CFAP299: variants seen among roughly 807,000 people sequenced by gnomAD.
CFAP299 encodes the protein cilia and flagella associated protein 299, also known as cilia- and flagella-associated protein 299.
CFAP299 carries 21 observed loss-of-function variants against 27.0 expected under a neutral mutation model. The ratio of observed to expected loss-of-function variants is 0.78; its 90% CI spans 0.55 to 1.12. The LOEUF is 1.12. Among genes scored for constraint, CFAP299 ranks in the 50% most tolerant of loss-of-function variants. CFAP299 has a pLI of 0.00. For missense variants in CFAP299, 310 were observed against 276.6 expected (o/e 1.12, Z -0.86); for synonymous variants, 104 against 98.1 (o/e 1.06, Z -0.36).
chr4:80,463,881 G>A (rs973520350), intron 2 of CFAP299, among the ~76,000 whole-genome samples: 1 of 152,132 alleles, frequency 6.6e-6, no homozygotes, highest in African/African-American at 2.4e-5. Context: ...ATTACTCCAT[G>A]TATAACTTCA....
In CFAP299 at chr4:80,541,972, TA is replaced by T. The variant is rs35634141; in HGVS notation, c.243-41110del. ...ATGCTAAAACTTAAAGTATAATAAT[TA>T]AAAAAAAAAAGGTATCAAGGACAGA... On this transcript the variant is annotated intron_variant, in intron 2 of 5. Transcript: ENST00000358105. Among the ~76,000 whole-genome samples, 966 of 145,010 alleles carry T rather than the reference TA, an allele frequency of 6.7e-3. 6 individuals carry two copies. The highest frequency in any genetic ancestry group is 0.028 in the East Asian group (143 of 5,048).
intron 4 of CFAP299, among the ~76,000 whole-genome samples, chr4:80,930,494 G>A (rs1461769783): frequency 6.6e-6 from 1 of 152,136 alleles, no homozygotes; most frequent in Non-Finnish European, 1.5e-5. Context: ...GAGCGGTCTT[G>A]AGGACTGAAC....
chr4:80,659,852 A>G (rs1412194379), intron 3 of CFAP299, among the ~76,000 whole-genome samples: 4 of 152,136 alleles, frequency 2.6e-5, no homozygotes, highest in Non-Finnish European at 5.9e-5. Context: ...GTTTTTCTGT[A>G]TAGAAGAATT....
intron 3 of CFAP299, among the ~76,000 whole-genome samples, chr4:80,692,276 A>G (rs1236763319): frequency 6.6e-6 from 1 of 152,128 alleles, no homozygotes; most frequent in African/African-American, 2.4e-5. Context: ...GAGGCATCAC[A>G]CTACCTGACT....
chr4:80,635,741 G>A (rs1194801603), intron 3 of CFAP299, among the ~76,000 whole-genome samples: 1 of 152,142 alleles, frequency 6.6e-6, no homozygotes, highest in African/African-American at 2.4e-5. Context: ...TGTTACACCA[G>A]GAATTTGGTA....
At chr4:80,861,778 A>G (rs1578193622) in intron 3 of CFAP299, among the ~76,000 whole-genome samples, 1 of 152,188 alleles carries the variant, frequency 6.6e-6, no homozygotes, top group Non-Finnish European at 1.5e-5. Context: ...ATGCAAGTAA[A>G]GATTGCCTGC....
chr4:80,364,252 T>C (rs1480415120), intron 2 of CFAP299, among the ~76,000 whole-genome samples: 3 of 152,178 alleles, frequency 2.0e-5, no homozygotes, highest in Non-Finnish European at 1.5e-5. Flanking sequence ...ACTGCCTCCA[T>C]GTTCAGTTTG....
chr4:80,625,240 G>A (rs1293354934), intron 3 of CFAP299, among the ~76,000 whole-genome samples: 1 of 151,912 alleles, frequency 6.6e-6, no homozygotes, highest in Admixed American at 6.6e-5. Context: ...TCAAAATGTG[G>A]TTTGGGGAGT....
intron 2 of CFAP299, among the ~76,000 whole-genome samples, chr4:80,462,725 G>A (rs1314284634): frequency 6.6e-6 from 1 of 152,066 alleles, no homozygotes; most frequent in East Asian, 1.9e-4. Flanking sequence ...ACCAAACCAC[G>A]TGATCCAGAG....
intron 3 of CFAP299, among the ~76,000 whole-genome samples, chr4:80,854,422 A>C (rs995367926): frequency 6.6e-6 from 1 of 152,056 alleles, no homozygotes; most frequent in African/African-American, 2.4e-5. Flanking sequence ...AGAATGTTTA[A>C]ATGTTAATAG....
At chr4:80,730,509 T>C (rs959583162) in intron 3 of CFAP299, among the ~76,000 whole-genome samples, 3 of 150,630 alleles carry the variant, frequency 2.0e-5, no homozygotes, top group African/African-American at 7.3e-5. Context: ...CTGGGCACAG[T>C]GGCTACCAGC....
intron 3 of CFAP299, among the ~76,000 whole-genome samples, chr4:80,773,451 G>C (rs1726339429): frequency 6.6e-6 from 1 of 152,194 alleles, no homozygotes. Flanking sequence ...GGTTGACATA[G>C]TAACTAAAAC....
At chr4:80,900,123 A>AGTT (rs1553904501) in intron 4 of CFAP299, among the ~76,000 whole-genome samples, 2 of 139,794 alleles carry the variant, frequency 1.4e-5, no homozygotes, top group African/African-American at 2.7e-5. Flanking sequence ...AGTGGAAGAA[A>AGTT]GTGTGTGTGT....
At chr4:80,545,786 CAATG>C (rs1415595593) in intron 2 of CFAP299, among the ~76,000 whole-genome samples, 1 of 152,058 alleles carries the variant, frequency 6.6e-6, no homozygotes, top group African/African-American at 2.4e-5. Context: ...GACAGAGACA[CAATG>C]AAAAAGAGAA....
chr4:80,417,502 C>T (rs969831679), intron 2 of CFAP299, among the ~76,000 whole-genome samples: 2 of 152,072 alleles, frequency 1.3e-5, no homozygotes, highest in Non-Finnish European at 2.9e-5. Context: ...AAATAGGAGT[C>T]CTGAGCGTGG....
intron 2 of CFAP299, among the ~76,000 whole-genome samples, chr4:80,457,417 T>A (rs1471474524): frequency 6.6e-6 from 1 of 152,194 alleles, no homozygotes. Flanking sequence ...CCACAGATTC[T>A]GTGCTTTGGA....
At chr4:80,468,483 C>T (rs910125307) in intron 2 of CFAP299, among the ~76,000 whole-genome samples, 4 of 151,928 alleles carry the variant, frequency 2.6e-5, no homozygotes, top group East Asian at 1.9e-4. Flanking sequence ...CTTGTTCTCC[C>T]GAAGTGCTGG....
intron 2 of CFAP299, among the ~76,000 whole-genome samples, chr4:80,557,600 A>T (rs992450729): frequency 2.0e-5 from 3 of 152,112 alleles, no homozygotes; most frequent in Non-Finnish European, 4.4e-5. Flanking sequence ...TCTGATTGCT[A>T]GTATTCTAGT....
At chr4:80,708,112 C>T (rs1184501883) in intron 3 of CFAP299, among the ~76,000 whole-genome samples, 2 of 151,948 alleles carry the variant, frequency 1.3e-5, no homozygotes, top group Non-Finnish European at 2.9e-5. Context: ...CAGGCTGCAT[C>T]GGTTCAACAG....
Sources: gnomAD v4.1 joint callset for allele counts (sites outside exome capture counted in the v4.1 genomes callset) on GRCh38, gnomAD v4.1.1 for gene constraint, MANE v1.5 for transcripts, NCBI Gene and HGNC (gene_info 2026-07-23, HGNC 2026-07-21) for gene names.